SLC22A17: variants seen among roughly 807,000 people sequenced by gnomAD.
The protein encoded by SLC22A17 is 24p3 receptor.
In SLC22A17, 38 loss-of-function variants were observed where a neutral mutation model predicts 53.6. The observed-to-expected ratio is 0.71, with a 90% confidence interval of 0.55 to 0.93. The LOEUF (loss-of-function observed/expected upper bound fraction) is 0.93, where lower values mean the gene tolerates loss of function less well. Among genes scored for constraint, SLC22A17 ranks in the 40% least tolerant of loss-of-function variants. The probability of loss-of-function intolerance (pLI) is 0.00; values close to 1 mark genes in which losing one functional copy is unlikely to be tolerated. For synonymous variants in SLC22A17, 379 were observed against 353.0 expected (o/e 1.07, Z -0.82); for missense variants, 704 against 791.0 (o/e 0.89, Z 1.32).
intron 3 of SLC22A17, among the ~76,000 whole-genome samples, chr14:23,349,934 T>TA: frequency 6.6e-6 from 1 of 152,204 alleles, no homozygotes; most frequent in Middle Eastern, 3.4e-3. Flanking sequence ...AAGCCAATGA[T>TA]ATTAGGGGAC....
At position 23,346,736 on chromosome 14, in the gene SLC22A17, A is replaced by T. The variant is rs907501593; in HGVS notation, c.1862T>A (p.Leu621Gln). ...CCGCAGCAGGGAAGGCCGGCGACAC[A>T]GCTCCCCGTCCCGGAGCACCTCGGG... is the stretch of plus-strand genomic sequence containing the variant. Residue 621 changes from leucine to glutamine, a missense_variant, in exon 10 of 10, where the codon CTG (leucine) becomes CAG (glutamine). Leu to Gln is a moderately radical substitution (Grantham distance 113). Coordinates refer to ENST00000397267, the Ensembl canonical transcript of SLC22A17. 4 of 1,545,514 alleles carry T rather than the reference A, an allele frequency of 2.6e-6. No individual in the cohort carries two copies. Among genetic ancestry groups the T allele is most frequent in the Non-Finnish European group, 3.5e-6 (4 of 1,151,202 alleles).
Position 23,352,313 on chromosome 14 carries a change from T to C in SLC22A17, c.235A>G (p.Ser79Gly). The C allele has an allele frequency of 2.2e-6, 3 of 1,341,654 alleles. No individual in the cohort carries two copies. The highest frequency in any genetic ancestry group is 2.9e-6 in the Non-Finnish European group (3 of 1,032,326). 83.1% of individuals were successfully genotyped at this position (1,341,654 alleles called of 1,614,324 possible). ...ACCTGGGCGAGCAGCGCCTCAAAGC[T>C]GAGGGGGCCTGGGGGCACGGCCAGC... Residue 79 changes from serine (S) to glycine (G), a missense_variant, in exon 2 of 10, where the codon AGC (serine) becomes GGC (glycine). By Grantham distance (56) the Ser-to-Gly change is moderately conservative. This residue lies in a region of SLC22A17 where 31 missense variants were observed against 62.3 expected (regional missense o/e 0.50). Transcript: ENST00000397267. This position sits in a 1 kb window ranked among gnomAD's most constrained non-coding sequence, Gnocchi z 7.2.
At position 23,351,802 on chromosome 14, in the gene SLC22A17, G is replaced by GA. The variant is rs1323665030; in HGVS notation, c.653dup (p.Ile219HisfsTer62). The GA allele has an allele frequency of 6.2e-7, 1 of 1,613,812 alleles. No homozygotes were observed. Among genetic ancestry groups the GA allele is most frequent in the South Asian group, 1.1e-5 (1 of 91,082 alleles). Reference sequence around the variant, plus strand: ...GGTAGCCGGAGGCAAAGCCCAAGATGAAGAGGATCTGCTCCAGGATCACCT... The same window carrying GA: ...GGTAGCCGGAGGCAAAGCCCAAGATGAAAGAGGATCTGCTCCAGGATCACCT... On this transcript the variant is annotated frameshift_variant, in exon 3 of 10. Transcript: ENST00000397267. LOFTEE classifies it high-confidence loss of function.
At position 23,348,038 on chromosome 14, in the gene SLC22A17, A is replaced by C; in HGVS notation, c.1172-42T>G. ...GGAGCTGTCAGAAGAAAACCCTGAG[A>C]TCCCAGGATCCTCCCACATGGGTGG... is the stretch of plus-strand genomic sequence containing the variant. On this transcript the variant is annotated intron_variant, in intron 6 of 9. Transcript: ENST00000397267. This position sits in a 1 kb window ranked among gnomAD's most constrained non-coding sequence, Gnocchi z 4.5. 1 of 1,612,102 alleles carries C rather than the reference A, an allele frequency of 6.2e-7. No individual in the cohort carries two copies. Among genetic ancestry groups the C allele is most frequent in the Admixed American group, 1.7e-5 (1 of 59,992 alleles).
chr14:23,351,879 C>A (rs1173410631), intron 2 of SLC22A17, 24 bp from the exon 3 acceptor site: 1 of 1,611,780 alleles, frequency 6.2e-7, no homozygotes. Flanking sequence ...AAGGGTGCAG[C>A]GGGCGTGAGG....
At position 23,352,165 on chromosome 14, in the gene SLC22A17, T is replaced by C. The variant is rs1485734768; in HGVS notation, c.383A>G (p.Tyr128Cys). 6.5e-7 allele frequency: 1 copy of C among 1,541,962 alleles called. No homozygotes were observed. Among genetic ancestry groups the C allele is most frequent in the Non-Finnish European group, 8.7e-7 (1 of 1,148,640 alleles). ...AGAGGCATTAGGGGGGAAGGCCCCG[T>C]AGTGGCAATGCAGCGGGGGCGCCAG... The change falls in exon 2 of 10, where the codon TAC becomes TGC. Residue 128 changes from tyrosine (Y) to cysteine (C), a missense_variant. This residue lies in a region of SLC22A17 where 435 missense variants were observed against 529.0 expected (regional missense o/e 0.82). Coordinates refer to ENST00000397267, the Ensembl canonical transcript of SLC22A17. This position sits in a 1 kb window ranked among gnomAD's most constrained non-coding sequence, Gnocchi z 7.2.
In SLC22A17 at chr14:23,348,419, T is replaced by C. The variant is rs1266547031; in HGVS notation, c.1025+87A>G. On this transcript the variant is annotated intron_variant, in intron 5 of 9. Transcript: ENST00000397267. This position sits in a 1 kb window ranked among gnomAD's most constrained non-coding sequence, Gnocchi z 4.5. ...TGGGGTAGGCCTGGACCAGGGGTAG[T>C]TGGAGAAGAGGAGGGGTCTCCGGGC... The C allele has an allele frequency of 3.2e-6, 5 of 1,582,494 alleles. No homozygotes were observed. The highest frequency in any genetic ancestry group is 1.3e-5 in the African/African-American group (1 of 74,418).
chr14:23,349,764 A>T, intron 3 of SLC22A17: 2 of 342,000 alleles, frequency 5.8e-6, no homozygotes, highest in South Asian at 7.2e-5. Flanking sequence ...ATCCTTAGGA[A>T]CAGAGCTAAT....
At chr14:23,346,435 G>C (rs1054929900) in exon 10 of SLC22A17, 2 of 576,290 alleles carry the variant, frequency 3.5e-6, no homozygotes, top group Non-Finnish European at 5.9e-6. Context: ...ACAGTGTGGA[G>C]CTCTCTCCCT....
chr14:23,347,611 C>A lies in SLC22A17; in HGVS notation c.1398G>T (p.Leu466=). ...GGCCAAATCGGTCCACGGTGACCCC[C>A]AGGAAGACACAGGCCAGGGCTGCGG... Residue 466 remains leucine (L), a synonymous_variant, in exon 8 of 10, where the codon CTG becomes CTT. Transcript: ENST00000397267. The surrounding 1 kb of genome is among the most constrained non-coding windows in gnomAD (Gnocchi z 5.1). 1 of 1,614,044 alleles carries A rather than the reference C, an allele frequency of 6.2e-7. No individual in the cohort carries two copies.
At position 23,351,920 on chromosome 14, in the gene SLC22A17, A is replaced by G. The variant is rs768251970; in HGVS notation, c.600+28T>C. On this transcript the variant is annotated intron_variant, in intron 2 of 9. Coordinates refer to ENST00000397267, the Ensembl canonical transcript of SLC22A17. ...CCCTCGCCGCTCTCTGCCCGCCCCCAGACCCGCGGCCCGCCTGGCCGCCTC... is the reference window on the plus strand; with the variant it reads ...CCCTCGCCGCTCTCTGCCCGCCCCCGGACCCGCGGCCCGCCTGGCCGCCTC... 7 of 1,611,764 alleles carry G rather than the reference A, an allele frequency of 4.3e-6. No individual in the cohort carries two copies. In the East Asian group the frequency reaches 6.7e-5, roughly 15 times the overall value.
chr14:23,349,570 G>C, intron 3 of SLC22A17, 144 bp from the exon 4 acceptor site: 1 of 949,066 alleles, frequency 1.1e-6, no homozygotes, highest in Non-Finnish European at 1.5e-6. Context: ...TGAGAAGATG[G>C]GGAGGGATGG....
Position 23,348,658 on chromosome 14 carries a change from G to A in SLC22A17, c.873C>T (p.Cys291=), listed in dbSNP as rs142994638. 16 of 1,611,692 alleles carry A rather than the reference G, an allele frequency of 9.9e-6. No individual in the cohort carries two copies. Among genetic ancestry groups the A allele is most frequent in the African/African-American group, 6.7e-5 (5 of 74,820 alleles). ...CCACCCGAAGCCTCTGGGTTGGGTC[G>A]CACAGCTCCAGGCCTGGAGATACAG... is the stretch of plus-strand genomic sequence containing the variant. Residue 291 remains cysteine, a synonymous_variant, in exon 5 of 10, where the codon TGC becomes TGT. Coordinates refer to ENST00000397267, the Ensembl canonical transcript of SLC22A17. The surrounding 1 kb of genome is among the most constrained non-coding windows in gnomAD (Gnocchi z 4.5).
Position 23,347,586 on chromosome 14 carries a change from G to C in SLC22A17, c.1423C>G (p.Arg475Gly). The change falls in exon 8 of 10, where the codon CGC becomes GGC. Residue 475 changes from arginine to glycine, a missense_variant. Physicochemically the swap from Arg to Gly is moderately radical, Grantham distance 125. Around this residue, in one of 4 missense-constraint regions of SLC22A17, gnomAD observed 435 missense variants for 529.0 expected, o/e 0.82. Coordinates refer to ENST00000397267, the Ensembl canonical transcript of SLC22A17. The surrounding 1 kb of genome is among the most constrained non-coding windows in gnomAD (Gnocchi z 5.1). Reference sequence around the variant, plus strand: ...ATGGAGAGAAGAAGGATGCCCCGGCGGCCAAATCGGTCCACGGTGACCCCC... The same window carrying C: ...ATGGAGAGAAGAAGGATGCCCCGGCCGCCAAATCGGTCCACGGTGACCCCC... 2 of 1,614,034 alleles carry C rather than the reference G, an allele frequency of 1.2e-6. No homozygotes were observed. The highest frequency in any genetic ancestry group is 1.7e-6 in the Non-Finnish European group (2 of 1,180,000).
chr14:23,346,602 A>C (rs1595002575), exon 10 of SLC22A17: 1 of 1,435,602 alleles, frequency 7.0e-7, no homozygotes, highest in Non-Finnish European at 9.1e-7. Flanking sequence ...TCTTCTTGCC[A>C]CCTTTCTGTG....
In SLC22A17 at chr14:23,348,535, G is replaced by A. The variant is rs147470206; in HGVS notation, c.996C>T (p.Thr332=). 2.3e-5 allele frequency: 37 copies of A among 1,614,056 alleles called. No individual in the cohort carries two copies. The Middle Eastern group carries it at 6.6e-4, about 29-fold the overall frequency. ...AAAACAGGAAGAGGATGCAGGGAGC[G>A]GTGATCATTCGCTGTAGGAATCGCC... Residue 332 remains threonine (T), a synonymous_variant, in exon 5 of 10, where the codon ACC becomes ACT. Coordinates refer to ENST00000397267, the Ensembl canonical transcript of SLC22A17. The surrounding 1 kb of genome is among the most constrained non-coding windows in gnomAD (Gnocchi z 4.5).
chr14:23,348,126 G>C lies in SLC22A17; in HGVS notation c.1171+35C>G. 1 of 1,613,242 alleles carries C rather than the reference G, an allele frequency of 6.2e-7. No individual in the cohort carries two copies. Among genetic ancestry groups the C allele is most frequent in the South Asian group, 1.1e-5 (1 of 91,056 alleles). On this transcript the variant is annotated intron_variant, in intron 6 of 9. Transcript: ENST00000397267. This position sits in a 1 kb window ranked among gnomAD's most constrained non-coding sequence, Gnocchi z 4.5. ...GCAGAGGGCACCATCATGTGTGCAAGTGAGGCAACACTCACAGGGATCCCT... is the reference window on the plus strand; with the variant it reads ...GCAGAGGGCACCATCATGTGTGCAACTGAGGCAACACTCACAGGGATCCCT...
intron 3 of SLC22A17, chr14:23,349,697 A>G: frequency 3.8e-6 from 2 of 524,462 alleles, no homozygotes; most frequent in Non-Finnish European, 6.8e-6. Context: ...TTGTCAATGG[A>G]TGTGACATCA....
chr14:23,349,584 C>G, intron 3 of SLC22A17, 158 bp from the exon 4 acceptor site: 2 of 848,272 alleles, frequency 2.4e-6, no homozygotes, highest in South Asian at 1.8e-5. Context: ...GGGATGGGGA[C>G]CATGGGTGGG....
Sources: gnomAD v4.1 joint callset for allele counts (sites outside exome capture counted in the v4.1 genomes callset) on GRCh38, gnomAD v4.1.1 for gene constraint, gnomAD v4.1.1 regional missense constraint, Gnocchi (gnomAD v3.1) non-coding constraint, MANE v1.5 for transcripts, NCBI Gene and HGNC (gene_info 2026-07-23, HGNC 2026-07-21) for gene names.